The following CAMTA1 variants were observed in gnomAD, a reference collection of about 807,000 sequenced individuals.
CAMTA1 encodes the protein calmodulin binding transcription activator 1.
A neutral mutation model predicts 170.9 loss-of-function variants in CAMTA1; 27 were observed. The ratio of observed to expected loss-of-function variants is 0.16; its 90% confidence interval spans 0.12 to 0.22. CAMTA1 has a LOEUF of 0.22. Among genes scored for constraint, CAMTA1 ranks in the 10% least tolerant of loss-of-function variants. The pLI is 1.00. For synonymous variants in CAMTA1, 833 were observed against 891.5 expected (o/e 0.93, Z 1.17); for missense variants, 1,619 against 2,217.2 (o/e 0.73, Z 5.42).
rs1179185077 is a variant in CAMTA1, at chr1:7,561,421, G to C, written c.511-78979G>C. Among the ~76,000 whole-genome samples the C allele has an allele frequency of 6.6e-6, 1 of 151,828 alleles. No individual in the cohort carries two copies. The highest frequency in any genetic ancestry group is 6.5e-5 in the Admixed American group (1 of 15,276). ...AGGTGGGGCAGGAGCCTCCTCTTGG[G>C]AGTCACATGGCCCCTGAGGGCATGG... On this transcript the variant is annotated intron_variant, in intron 6 of 22. Coordinates refer to ENST00000303635, the MANE Select transcript of CAMTA1 (RefSeq NM_015215.4). This position sits in a 1 kb window ranked among gnomAD's most constrained non-coding sequence, Gnocchi z 5.3.
intron 5 of CAMTA1, among the ~76,000 whole-genome samples, chr1:7,310,678 T>TTCTCTCTCTCTC (rs70984069): frequency 8.7e-5 from 3 of 34,646 alleles, no homozygotes; most frequent in Admixed American, 3.7e-4. Flanking sequence ...TTTCCTTTCT[T>TTCTCTCTCTCTC]TCTCTCTCTC....
At chr1:7,465,893 T>C (rs545564104) in intron 5 of CAMTA1, among the ~76,000 whole-genome samples, 1 of 152,210 alleles carries the variant, frequency 6.6e-6, no homozygotes, top group African/African-American at 2.4e-5. Context: ...GAGAAAGTAG[T>C]GGACAGAGAA....
At chr1:7,360,841 C>T (rs1241269652) in intron 5 of CAMTA1, among the ~76,000 whole-genome samples, 1 of 152,214 alleles carries the variant, frequency 6.6e-6, no homozygotes, top group Non-Finnish European at 1.5e-5. Flanking sequence ...CCGGAGTTGC[C>T]TGCACCAATT....
chr1:7,480,933 G>T (rs1050176089), intron 6 of CAMTA1, among the ~76,000 whole-genome samples: 1 of 152,132 alleles, frequency 6.6e-6, no homozygotes, highest in African/African-American at 2.4e-5. Flanking sequence ...GCTAGAGCAG[G>T]ACTCATGATG....
chr1:7,721,415 A>G (rs1289376430), intron 11 of CAMTA1, among the ~76,000 whole-genome samples: 1 of 152,198 alleles, frequency 6.6e-6, no homozygotes, highest in Non-Finnish European at 1.5e-5. Context: ...TCCATGTAAA[A>G]TGTCTGGCTT....
chr1:7,453,728 A>G (rs1477837560), intron 5 of CAMTA1, among the ~76,000 whole-genome samples: 1 of 152,240 alleles, frequency 6.6e-6, no homozygotes, highest in Non-Finnish European at 1.5e-5. Context: ...AGTAGGAGGC[A>G]AGGCCTAGAG....
At chr1:7,552,195 C>T (rs1265574680) in intron 6 of CAMTA1, among the ~76,000 whole-genome samples, 1 of 152,216 alleles carries the variant, frequency 6.6e-6, no homozygotes, top group Non-Finnish European at 1.5e-5. Context: ...CACCACACCC[C>T]CCCAGTGCCA....
chr1:6,941,496 G>A (rs1037614336), intron 3 of CAMTA1, among the ~76,000 whole-genome samples: 5 of 152,162 alleles, frequency 3.3e-5, no homozygotes, highest in East Asian at 3.9e-4. Flanking sequence ...ACACTGACCC[G>A]AGGCACAGAT....
intron 6 of CAMTA1, among the ~76,000 whole-genome samples, chr1:7,519,840 G>T (rs539286140): frequency 6.6e-6 from 1 of 151,438 alleles, no homozygotes; most frequent in African/African-American, 2.4e-5. Context: ...TACATGTTCC[G>T]CAGTGGTCCC....
At chr1:7,618,640 A>G (rs1392292746) in intron 6 of CAMTA1, among the ~76,000 whole-genome samples, 1 of 152,226 alleles carries the variant, frequency 6.6e-6, no homozygotes, top group Non-Finnish European at 1.5e-5. Context: ...GCCACACATC[A>G]GGGAAGGCTA....
At chr1:7,114,627 G>A (rs1644257341) in intron 4 of CAMTA1, among the ~76,000 whole-genome samples, 2 of 152,246 alleles carry the variant, frequency 1.3e-5, no homozygotes, top group South Asian at 4.1e-4. Flanking sequence ...TGATTATGGA[G>A]GCCAAATAAT....
chr1:7,709,992 A>G (rs1283339868), intron 11 of CAMTA1, among the ~76,000 whole-genome samples: 1 of 152,222 alleles, frequency 6.6e-6, no homozygotes, highest in East Asian at 1.9e-4. Context: ...GATATTTCCT[A>G]ATTCTCTTTC....
Position 7,664,153 on chromosome 1 carries a change from G to T in CAMTA1, c.1606G>T (p.Asp536Tyr). 6.2e-7 allele frequency: 1 copy of T among 1,613,098 alleles called. No individual in the cohort carries two copies. Residue 536 changes from aspartate (D) to tyrosine (Y), a missense_variant, in exon 9 of 23, where the codon GAC becomes TAC. By Grantham distance (160) the Asp-to-Tyr change is radical (BLOSUM62 -3). Around this residue, in one of 8 missense-constraint regions of CAMTA1, gnomAD observed 731 missense variants for 907.6 expected, o/e 0.81. Coordinates refer to ENST00000303635, the MANE Select transcript of CAMTA1 (RefSeq NM_015215.4). ...TVLTKEIKTE[D>Y]TSFEQQMAKE... The stretch of plus-strand genomic sequence containing the variant: ...CCTCACCAAGGAGATCAAGACCGAG[G>T]ACACCTCCTTCGAGCAGCAGATGGC...
intron 5 of CAMTA1, among the ~76,000 whole-genome samples, chr1:7,453,613 C>T (rs952861426): frequency 3.3e-5 from 5 of 152,230 alleles, no homozygotes; most frequent in Non-Finnish European, 7.3e-5. Flanking sequence ...CTGCACCTGT[C>T]CCTGGAGGGG....
intron 5 of CAMTA1, among the ~76,000 whole-genome samples, chr1:7,328,028 G>C (rs1320970921): frequency 2.0e-5 from 3 of 152,032 alleles, no homozygotes; most frequent in Non-Finnish European, 4.4e-5. Flanking sequence ...TGAGAAATCA[G>C]TCGTCATTCT....
intron 11 of CAMTA1, among the ~76,000 whole-genome samples, chr1:7,731,135 G>A (rs993363980): frequency 6.6e-6 from 1 of 152,076 alleles, no homozygotes; most frequent in Non-Finnish European, 1.5e-5. Flanking sequence ...GTGGAGAGAC[G>A]TGTTCTAATC....
In CAMTA1 at chr1:7,107,274, G is replaced by A. The variant is rs868154533; in HGVS notation, c.302+15903G>A. On this transcript the variant is annotated intron_variant, in intron 4 of 22. Coordinates refer to ENST00000303635, the MANE Select transcript of CAMTA1 (RefSeq NM_015215.4). ...GGTGTGTGTGCATGTGTATGTGTGT[G>A]TGCATGTGTGTGTGTGTGTGTGTGT... Among the ~76,000 whole-genome samples the A allele has an allele frequency of 2.5e-4, 11 of 43,152 alleles. No homozygotes were observed. The South Asian group carries it at 9.9e-3, about 39-fold the overall frequency. 28.3% of individuals were successfully genotyped at this position (43,152 alleles called of 152,430 possible). A position where few individuals can be genotyped will look rare whatever the true frequency, so the allele number is the denominator to read the frequency against.
At chr1:7,416,724 A>G (rs575294527) in intron 5 of CAMTA1, among the ~76,000 whole-genome samples, 26 of 152,084 alleles carry the variant, frequency 1.7e-4, no homozygotes, top group African/African-American at 6.0e-4. Flanking sequence ...TGTAGCTCGG[A>G]GTAGTTTGAT....
intron 11 of CAMTA1, among the ~76,000 whole-genome samples, chr1:7,704,651 G>A (rs1378355402): frequency 1.3e-5 from 2 of 148,752 alleles, no homozygotes; most frequent in Non-Finnish European, 3.0e-5. Context: ...CGGCCTGGGG[G>A]GCGGGGTCTG....
Sources: gnomAD v4.1 joint callset for allele counts (sites outside exome capture counted in the v4.1 genomes callset) on GRCh38, gnomAD v4.1.1 for gene constraint, gnomAD v4.1.1 regional missense constraint, Gnocchi (gnomAD v3.1) non-coding constraint, MANE v1.5 for transcripts, NCBI Gene and HGNC (gene_info 2026-07-23, HGNC 2026-07-21) for gene names.